SERBP1: variants seen among roughly 807,000 people sequenced by gnomAD.
SERBP1 encodes SERPINE1 mRNA-binding protein 1.
Under a neutral mutation model 50.2 loss-of-function variants are expected in SERBP1, and 6 were observed. The ratio of observed to expected loss-of-function variants is 0.12; its 90% CI spans 0.07 to 0.24. The LOEUF (loss-of-function observed/expected upper bound fraction) is 0.24. Ranked by LOEUF, SERBP1 falls within the 10% of genes least tolerant of loss-of-function variation. The pLI is 1.00. For synonymous variants in SERBP1, 168 were observed against 182.8 expected (o/e 0.92, Z 0.65); for missense variants, 346 against 524.9 (o/e 0.66, Z 3.33).
At chr1:67,423,224 G>C (rs913113157) in intron 5 of SERBP1, among the ~76,000 whole-genome samples, 1 of 150,696 alleles carries the variant, frequency 6.6e-6, no homozygotes, top group Non-Finnish European at 1.5e-5. Flanking sequence ...GCGTGAACCC[G>C]GGAGGCGGAG....
rs1666798391 is a variant in SERBP1, at chr1:67,410,482, C to A, written c.*2725G>T. On this transcript the variant is annotated 3_prime_UTR_variant, in exon 8 of 8. Coordinates refer to ENST00000361219, the MANE Select transcript of SERBP1 (RefSeq NM_001018069.2). Reference sequence around the variant, plus strand: ...AAAAAAATAAGAGTAAAGGAACTAACTAGATGTATATGGTGCCAATTTTTA... The same window carrying A: ...AAAAAAATAAGAGTAAAGGAACTAAATAGATGTATATGGTGCCAATTTTTA... 6.6e-6 allele frequency: 1 copy of A among 152,098 alleles called. No homozygotes were observed. The highest frequency in any genetic ancestry group is 2.4e-5 in the African/African-American group (1 of 41,400). 9.4% of individuals were successfully genotyped at this position (152,098 alleles called of 1,614,324 possible). A position where few individuals can be genotyped will look rare whatever the true frequency, so the allele number is the denominator to read the frequency against.
rs141702419 is a variant in SERBP1 at position 67,426,152 on chromosome 1, G to A, written c.447C>T (p.Gly149=). Residue 149 remains glycine, a synonymous_variant, in exon 2 of 8, where the codon GGC becomes GGT. Coordinates refer to ENST00000361219, the MANE Select transcript of SERBP1 (RefSeq NM_001018069.2). ...CAACTTACCTATCAACTGAAAATTCGCCTCCTTCACCCTTTTCTTCAAGTG... is the reference window on the plus strand; with the variant it reads ...CAACTTACCTATCAACTGAAAATTCACCTCCTTCACCCTTTTCTTCAAGTG... ...EKPLEEKGEG[G]EFSVDRPIID... is the part of the protein sequence containing the mutation. 33 of 1,603,224 alleles carry A rather than the reference G, an allele frequency of 2.1e-5. 1 individual carries two copies. The Middle Eastern group carries it at 6.5e-4, about 31-fold the overall frequency.
rs560326148 is a variant in SERBP1 at position 67,424,436 on chromosome 1, A to G, written c.696-159T>C. On this transcript the variant is annotated intron_variant, in intron 4 of 7. Transcript: ENST00000361219. ...TTCTCTAACTCCTTTCTTACTAAATATACTCCCCAGAAGACGTCGAAAAGT... is the reference window on the plus strand; with the variant it reads ...TTCTCTAACTCCTTTCTTACTAAATGTACTCCCCAGAAGACGTCGAAAAGT... 110 of 913,872 alleles carry G rather than the reference A, an allele frequency of 1.2e-4. 1 individual carries two copies. The East Asian group carries it at 2.3e-3, about 19-fold the overall frequency. 56.6% of individuals were successfully genotyped at this position (913,872 alleles called of 1,614,324 possible). A position where few individuals can be genotyped will look rare whatever the true frequency, so the allele number is the denominator to read the frequency against.
chr1:67,429,941 C>A, intron 1 of SERBP1, 47 bp downstream of exon 1: 1 of 1,526,246 alleles, frequency 6.6e-7, no homozygotes. Context: ...AGCCCCCTCG[C>A]TCCTTCCCTC....
At chr1:67,426,826 A>G (rs930877199) in intron 1 of SERBP1, among the ~76,000 whole-genome samples, 2 of 152,292 alleles carry the variant, frequency 1.3e-5, no homozygotes, top group South Asian at 4.1e-4. Flanking sequence ...AAAAAATGCA[A>G]TTAAGACTCA....
rs1666884838 is a variant in SERBP1, at chr1:67,412,830, T to C, written c.*377A>G. The C allele has an allele frequency of 1.1e-5, 2 of 178,666 alleles. No individual in the cohort carries two copies. Among genetic ancestry groups the C allele is most frequent in the South Asian group, 3.0e-4 (2 of 6,710 alleles). 11.1% of individuals were successfully genotyped at this position (178,666 alleles called of 1,614,324 possible). A position where few individuals can be genotyped will look rare whatever the true frequency, so the allele number is the denominator to read the frequency against. On this transcript the variant is annotated 3_prime_UTR_variant, in exon 8 of 8. Coordinates refer to ENST00000361219, the MANE Select transcript of SERBP1 (RefSeq NM_001018069.2). ...GTTTGTAATTGGGGGAACTTCTAAA[T>C]CCTTAATTAAAAAACACAAATGAAG...
At chr1:67,417,815 T>C (rs903022170) in intron 6 of SERBP1, among the ~76,000 whole-genome samples, 5 of 151,714 alleles carry the variant, frequency 3.3e-5, no homozygotes, top group Non-Finnish European at 7.4e-5. Context: ...CCGACCTTTT[T>C]TCTAGAGCAC....
chr1:67,419,948 A>G, intron 6 of SERBP1, 61 bp downstream of exon 6: 1 of 1,476,150 alleles, frequency 6.8e-7, no homozygotes, highest in Non-Finnish European at 9.4e-7. Flanking sequence ...TAAAACAAAA[A>G]TTATAAATAC....
At position 67,408,034 on chromosome 1, in the gene SERBP1, T is replaced by G. The variant is rs1666689858; in HGVS notation, c.*5173A>C. ...CAGCTACAACTGCAAACAAGGTGAT[T>G]AGTGCAAAGTAATACAACTGTCCAA... On this transcript the variant is annotated 3_prime_UTR_variant, in exon 8 of 8. Transcript: ENST00000361219. 6.6e-6 allele frequency: 1 copy of G among 152,144 alleles called. No individual in the cohort carries two copies. Among genetic ancestry groups the G allele is most frequent in the East Asian group, 1.9e-4 (1 of 5,200 alleles). The allele number at this position is 152,144 out of a possible 1,614,324, so 9.4% of individuals were successfully genotyped here. A position where few individuals can be genotyped will look rare whatever the true frequency, so the allele number is the denominator to read the frequency against.
At chr1:67,420,372 T>C in intron 5 of SERBP1, 186 bp from the exon 6 acceptor site, 1 of 524,296 alleles carries the variant, frequency 1.9e-6, no homozygotes, top group Non-Finnish European at 3.4e-6. Flanking sequence ...ATTCAGTGTT[T>C]GCTAATTAGA....
In SERBP1 at chr1:67,415,163, T is replaced by C; in HGVS notation, c.1125+3A>G. On this transcript the variant is annotated splice_donor_region_variant and intron_variant, in intron 7 of 7. Coordinates refer to ENST00000361219, the MANE Select transcript of SERBP1 (RefSeq NM_001018069.2). ...GTAAAAGGAAAAGAAAGTCTTAAAT[T>C]ACCTTGTCGGTCCTGCTGCCACGGT... 7 of 1,568,746 alleles carry C rather than the reference T, an allele frequency of 4.5e-6. No individual in the cohort carries two copies. The highest frequency in any genetic ancestry group is 6.0e-6 in the Non-Finnish European group (7 of 1,161,910).
rs1031622639 is a variant in SERBP1, at chr1:67,408,618, C to G, written c.*4589G>C. The stretch of plus-strand genomic sequence containing the variant: ...ATCTCCAGGAGCCATTAATTTCTGC[C>G]CCAGCTCAACCTATGGAATTTACCT... On this transcript the variant is annotated 3_prime_UTR_variant, in exon 8 of 8. Coordinates refer to ENST00000361219, the MANE Select transcript of SERBP1 (RefSeq NM_001018069.2). The G allele has an allele frequency of 1.5e-4, 23 of 151,600 alleles. No individual in the cohort carries two copies. 9.4% of individuals were successfully genotyped at this position (151,600 alleles called of 1,614,324 possible). A position where few individuals can be genotyped will look rare whatever the true frequency, so the allele number is the denominator to read the frequency against.
In SERBP1 at chr1:67,410,135, A is replaced by G. The variant is rs1666779749; in HGVS notation, c.*3072T>C. The G allele has an allele frequency of 6.6e-6, 1 of 152,218 alleles. No individual in the cohort carries two copies. The highest frequency in any genetic ancestry group is 2.4e-5 in the African/African-American group (1 of 41,460). 9.4% of individuals were successfully genotyped at this position (152,218 alleles called of 1,614,324 possible). A position where few individuals can be genotyped will look rare whatever the true frequency, so the allele number is the denominator to read the frequency against. On this transcript the variant is annotated 3_prime_UTR_variant, in exon 8 of 8. Transcript: ENST00000361219. Reference sequence around the variant, plus strand: ...CTGAATAATCTTACCTCTAAGGTCAACATCAGTTAGGTTCTAGTAACTTCC... The same window carrying G: ...CTGAATAATCTTACCTCTAAGGTCAGCATCAGTTAGGTTCTAGTAACTTCC...
At chr1:67,429,232 C>G (rs1667485260) in intron 1 of SERBP1, among the ~76,000 whole-genome samples, 1 of 152,136 alleles carries the variant, frequency 6.6e-6, no homozygotes, top group African/African-American at 2.4e-5. Flanking sequence ...TTTGGGGAGT[C>G]GAGAGAGAGG....
chr1:67,430,361 G>C lies in SERBP1; in HGVS notation c.-61C>G. The stretch of plus-strand genomic sequence containing the variant: ...CAGCGGGCCGCGCCGAGCCAAGAGC[G>C]CCTGCTTCAGCTCTTCCCACAAGAT... On this transcript the variant is annotated 5_prime_UTR_variant, in exon 1 of 8. Coordinates refer to ENST00000361219, the MANE Select transcript of SERBP1 (RefSeq NM_001018069.2). The C allele has an allele frequency of 6.9e-7, 1 of 1,458,448 alleles. No homozygotes were observed. The highest frequency in any genetic ancestry group is 9.2e-7 in the Non-Finnish European group (1 of 1,091,400). 90.3% of individuals were successfully genotyped at this position (1,458,448 alleles called of 1,614,324 possible).
At position 67,408,665 on chromosome 1, in the gene SERBP1, C is replaced by T. The variant is rs1666714842; in HGVS notation, c.*4542G>A. The T allele has an allele frequency of 6.6e-6, 1 of 151,892 alleles. No individual in the cohort carries two copies. The highest frequency in any genetic ancestry group is 1.5e-5 in the Non-Finnish European group (1 of 67,986). The allele number at this position is 151,892 out of a possible 1,614,324, so 9.4% of individuals were successfully genotyped here. On this transcript the variant is annotated 3_prime_UTR_variant, in exon 8 of 8. Transcript: ENST00000361219. ...ACCTATATGAAGTGTTCATAATTCT[C>T]ATCTCATAGAAAAACCTCTTTGCAC...
chr1:67,417,875 C>T (rs750183418), intron 6 of SERBP1, among the ~76,000 whole-genome samples: 1 of 151,476 alleles, frequency 6.6e-6, no homozygotes, highest in Non-Finnish European at 1.5e-5. Flanking sequence ...GTCAATAACA[C>T]GGTAACACAG....
intron 2 of SERBP1, 144 bp from the exon 3 acceptor site, chr1:67,425,367 T>C: frequency 1.3e-6 from 1 of 789,874 alleles, no homozygotes; most frequent in Non-Finnish European, 1.9e-6. Context: ...TTCAAAATAG[T>C]CTGTTTCTAA....
intron 5 of SERBP1, among the ~76,000 whole-genome samples, chr1:67,422,691 G>A (rs1667238888): frequency 2.0e-5 from 3 of 151,290 alleles, no homozygotes; most frequent in Non-Finnish European, 4.4e-5. Flanking sequence ...CAGGCGTGGT[G>A]GCTCATGCCC....
Sources: gnomAD v4.1 joint callset for allele counts (sites outside exome capture counted in the v4.1 genomes callset) on GRCh38, gnomAD v4.1.1 for gene constraint, MANE v1.5 for transcripts, NCBI Gene and HGNC (gene_info 2026-07-23, HGNC 2026-07-21) for gene names.